The following FAM221B variants were observed in gnomAD, a reference collection of about 807,000 sequenced individuals.
FAM221B encodes the protein protein FAM221B.
FAM221B carries 35 observed loss-of-function variants against 39.8 expected under a neutral mutation model. The ratio of observed to expected loss-of-function variants is 0.88; its 90% CI spans 0.67 to 1.17. The LOEUF is 1.17. Among genes scored for constraint, FAM221B ranks in the 50% most tolerant of loss-of-function variants. FAM221B has a pLI of 0.00. For missense variants in FAM221B, 479 were observed against 503.1 expected (o/e 0.95, Z 0.46); for synonymous variants, 158 against 178.1 (o/e 0.89, Z 0.90).
rs1829032992 is a variant in FAM221B at position 35,816,819 on chromosome 9, C to T, written c.*1650G>A. On this transcript the variant is annotated 3_prime_UTR_variant, in exon 7 of 7. Transcript: ENST00000423537. ...CCAGGGATCCTAGCAGTCCAGATTG[C>T]ATTCCTTCCCTTGGAGGAACAGATG... is the stretch of plus-strand genomic sequence containing the variant. 6.6e-6 allele frequency: 1 copy of T among 152,198 alleles called. No individual in the cohort carries two copies. The highest frequency in any genetic ancestry group is 2.4e-5 in the African/African-American group (1 of 41,444). The allele number at this position is 152,198 out of a possible 1,614,324, so 9.4% of individuals were successfully genotyped here.
In FAM221B at chr9:35,825,798, CAGAAGA is replaced by C. The variant is rs746828696; in HGVS notation, c.358_363del (p.Ser120_Ser121del). On this transcript the variant is annotated inframe_deletion, in exon 2 of 7. Coordinates refer to ENST00000423537, the MANE Select transcript of FAM221B (RefSeq NM_001012446.4). This position sits in a 1 kb window ranked among gnomAD's most constrained non-coding sequence, Gnocchi z 4.2. Reference sequence around the variant, plus strand: ...GAGGAGAGGTCTTCCTTCAGAGTATCAGAAGAAGACAGACAGACATAGTCTCGTGAT... The same window carrying C: ...GAGGAGAGGTCTTCCTTCAGAGTATCAGACAGACAGACATAGTCTCGTGAT... 4 of 1,614,072 alleles carry C rather than the reference CAGAAGA, an allele frequency of 2.5e-6. No individual in the cohort carries two copies. Among genetic ancestry groups the C allele is most frequent in the Non-Finnish European group, 3.4e-6 (4 of 1,179,964 alleles).
chr9:35,819,378 G>A lies in FAM221B; in HGVS notation c.870C>T (p.Cys290=), dbSNP rs1166017113. 2 of 1,551,562 alleles carry A rather than the reference G, an allele frequency of 1.3e-6. No individual in the cohort carries two copies. Among genetic ancestry groups the A allele is most frequent in the African/African-American group, 2.7e-5 (2 of 73,048 alleles). ...TGAAGCAGCGGCACTGGCTTACCTT[G>A]CAGGGCACCGATATGTCTGTGGGAT... ...HRIISDISVP[C]KVSQCRCFMF... is the part of the protein sequence containing the mutation. The change falls in exon 5 of 7, where the codon TGC becomes TGT. Residue 290 remains cysteine (C), a synonymous_variant. Coordinates refer to ENST00000423537, the MANE Select transcript of FAM221B (RefSeq NM_001012446.4).
In FAM221B at chr9:35,828,641, A is replaced by T. The variant is rs564159180; in HGVS notation, c.-179T>A. The T allele has an allele frequency of 1.0e-6, 1 of 985,568 alleles. No individual in the cohort carries two copies. The highest frequency in any genetic ancestry group is 1.1e-4 in the East Asian group (1 of 8,814). 61.1% of individuals were successfully genotyped at this position (985,568 alleles called of 1,614,324 possible). A position where few individuals can be genotyped will look rare whatever the true frequency, so the allele number is the denominator to read the frequency against. On this transcript the variant is annotated 5_prime_UTR_variant, in exon 1 of 7. Transcript: ENST00000423537. The surrounding 1 kb of genome is among the most constrained non-coding windows in gnomAD (Gnocchi z 4.5). ...TCTGCTATCTGGGAAGGGGACTTGGATATCTGCAGAACTTCGCAAAGGAGC... is the reference window on the plus strand; with the variant it reads ...TCTGCTATCTGGGAAGGGGACTTGGTTATCTGCAGAACTTCGCAAAGGAGC...
At chr9:35,821,346 A>G (rs1054671628) in intron 3 of FAM221B, 4 of 939,680 alleles carry the variant, frequency 4.3e-6, no homozygotes, top group African/African-American at 1.7e-5. Flanking sequence ...GTTCCATAAC[A>G]TGAATAAGGA....
At chr9:35,821,606 A>C (rs751129306) in intron 3 of FAM221B, 19 of 1,367,608 alleles carry the variant, frequency 1.4e-5, no homozygotes, top group South Asian at 1.0e-4. Context: ...CCAGGATTCC[A>C]CTAGAGGAGT....
In FAM221B at chr9:35,825,495, T is replaced by C. The variant is rs1381994065; in HGVS notation, c.598+69A>G. Reference sequence around the variant, plus strand: ...GGGGCAAGTCAAGGACAGTGAATAGTAGTGAGAACAGGACAGGGGAGAGGA... The same window carrying C: ...GGGGCAAGTCAAGGACAGTGAATAGCAGTGAGAACAGGACAGGGGAGAGGA... On this transcript the variant is annotated intron_variant, in intron 2 of 6. Transcript: ENST00000423537. This position sits in a 1 kb window ranked among gnomAD's most constrained non-coding sequence, Gnocchi z 4.2. The C allele has an allele frequency of 2.5e-6, 4 of 1,573,218 alleles. No individual in the cohort carries two copies. Among genetic ancestry groups the C allele is most frequent in the Non-Finnish European group, 3.5e-6 (4 of 1,152,174 alleles).
In FAM221B at chr9:35,828,224, G is replaced by A. The variant is rs535807602; in HGVS notation, c.-1+239C>T. 3.1e-3 allele frequency among the ~76,000 whole-genome samples: 467 copies of A among 152,060 alleles called. 4 individuals are homozygous for A. The highest frequency in any genetic ancestry group is 4.8e-3 in the Non-Finnish European group (327 of 67,984). On this transcript the variant is annotated intron_variant, in intron 1 of 6. Transcript: ENST00000423537. This position sits in a 1 kb window ranked among gnomAD's most constrained non-coding sequence, Gnocchi z 4.5. ...AGCAAATCACTTGAACCTGGGAGGC[G>A]GAGGTTGCAGTGAGCCCAGATCGCA...
At position 35,820,109 on chromosome 9, in the gene FAM221B, C is replaced by T. The variant is rs2273714; in HGVS notation, c.743-109G>A. 147 of 668,294 alleles carry T rather than the reference C, an allele frequency of 2.2e-4. 1 individual carries two copies. In the East Asian group the frequency reaches 3.9e-3, roughly 18 times the overall value. The allele number at this position is 668,294 out of a possible 1,614,324, so 41.4% of individuals were successfully genotyped here. ...GGGGGTGGGGGGAACTTACCTCTCC[C>T]CACCCCCAGGTATCTTTATCTCCAC... On this transcript the variant is annotated intron_variant, in intron 3 of 6. Coordinates refer to ENST00000423537, the MANE Select transcript of FAM221B (RefSeq NM_001012446.4).
chr9:35,823,939 A>G (rs2132147425), intron 3 of FAM221B, among the ~76,000 whole-genome samples: 1 of 152,130 alleles, frequency 6.6e-6, no homozygotes, highest in Middle Eastern at 3.4e-3. Context: ...TTTTGGGATT[A>G]CAGATGTGAG....
intron 1 of FAM221B, 46 bp from the exon 2 acceptor site, chr9:35,826,207 G>A: frequency 1.4e-6 from 2 of 1,465,160 alleles, no homozygotes; most frequent in Non-Finnish European, 1.8e-6. Context: ...GGAAATAGAG[G>A]GCCGGCAAGT....
intron 3 of FAM221B, among the ~76,000 whole-genome samples, chr9:35,823,962 C>A (rs1379309372): frequency 6.6e-6 from 1 of 151,828 alleles, no homozygotes. Flanking sequence ...ACCTTGCCAG[C>A]CAGAATTTGC....
chr9:35,822,827 A>G (rs1227138149), intron 3 of FAM221B, among the ~76,000 whole-genome samples: 3 of 152,130 alleles, frequency 2.0e-5, no homozygotes, highest in Non-Finnish European at 1.5e-5. Context: ...TCTTAGCCTC[A>G]CAACTCCAGT....
chr9:35,819,292 G>A lies in FAM221B; in HGVS notation c.956C>T (p.Ala319Val). The A allele has an allele frequency of 6.4e-7, 1 of 1,551,722 alleles. No homozygotes were observed. Among genetic ancestry groups the A allele is most frequent in the Non-Finnish European group, 8.7e-7 (1 of 1,146,988 alleles). The change falls in exon 5 of 7, where the codon GCC becomes GTC. Residue 319 changes from alanine (A) to valine (V), a missense_variant. Coordinates refer to ENST00000423537, the MANE Select transcript of FAM221B (RefSeq NM_001012446.4). Reference protein sequence around the residue: ...EVGEFWLKRRATFDPKAWRAQ... With the variant: ...EVGEFWLKRRVTFDPKAWRAQ... Reference sequence around the variant, plus strand: ...CCTCCAGGCCTTGGGGTCAAAGGTGGCCCGTCTCTTGAGCCAGAACTCACC... The same window carrying A: ...CCTCCAGGCCTTGGGGTCAAAGGTGACCCGTCTCTTGAGCCAGAACTCACC...
chr9:35,820,103 C>T (rs967140438), intron 3 of FAM221B, 103 bp from the exon 4 acceptor site: 3 of 689,902 alleles, frequency 4.3e-6, no homozygotes, highest in Non-Finnish European at 7.6e-6. Context: ...GGGAACTTAC[C>T]TCTCCCCACC....
chr9:35,824,687 T>C (rs1200236913), intron 3 of FAM221B, among the ~76,000 whole-genome samples: 1 of 150,300 alleles, frequency 6.7e-6, no homozygotes, highest in Non-Finnish European at 1.5e-5. Context: ...TTTTTTGGTT[T>C]TTTTTTTTTT....
chr9:35,823,428 C>T (rs1458965874), intron 3 of FAM221B, among the ~76,000 whole-genome samples: 1 of 152,212 alleles, frequency 6.6e-6, no homozygotes, highest in Non-Finnish European at 1.5e-5. Context: ...AAAGGTTACA[C>T]TTGATATTTC....
intron 3 of FAM221B, chr9:35,821,464 GTC>G (rs1447643756): frequency 1.6e-5 from 22 of 1,367,800 alleles, no homozygotes; most frequent in Non-Finnish European, 2.0e-5. Flanking sequence ...TCTAAAGCCT[GTC>G]TAGATGTGGC....
Position 35,825,683 on chromosome 9 carries a change from G to C in FAM221B, c.479C>G (p.Pro160Arg). ...ESLPEHCLSG[P>R]SSQVQVDTTE... ...TGTGTCCACTTGGACCTGGGATGAA[G>C]GGCCTGAAAGACAGTGTTCTGGAAG... The change falls in exon 2 of 7, where the codon CCT becomes CGT. Residue 160 changes from proline to arginine, a missense_variant. Coordinates refer to ENST00000423537, the MANE Select transcript of FAM221B (RefSeq NM_001012446.4). This position sits in a 1 kb window ranked among gnomAD's most constrained non-coding sequence, Gnocchi z 4.2. The C allele has an allele frequency of 6.2e-7, 1 of 1,614,234 alleles. No homozygotes were observed. The highest frequency in any genetic ancestry group is 1.7e-5 in the Admixed American group (1 of 60,028).
chr9:35,821,923 C>T (rs111489288), intron 3 of FAM221B, among the ~76,000 whole-genome samples: 248 of 152,244 alleles, frequency 1.6e-3, no homozygotes, highest in African/African-American at 5.1e-3. Flanking sequence ...CAAGGCCTGG[C>T]GGGGGAGGAG....
Sources: allele counts gnomAD v4.1 joint callset (sites outside exome capture counted in the v4.1 genomes callset), GRCh38; gene constraint gnomAD v4.1.1; non-coding constraint Gnocchi (gnomAD v3.1); transcripts MANE v1.5; gene names NCBI Gene and HGNC (gene_info 2026-07-23, HGNC 2026-07-21).